ERGIC2: variants seen among roughly 807,000 people sequenced by gnomAD.
ERGIC2 encodes the protein ERGIC and golgi 2, also known as endoplasmic reticulum-Golgi intermediate compartment protein 2.
ERGIC2 carries 31 observed loss-of-function variants against 52.5 expected under a neutral mutation model. That is an observed-to-expected ratio of 0.59 (90% CI 0.44 to 0.80). The LOEUF (loss-of-function observed/expected upper bound fraction) is 0.80, where lower values mean the gene tolerates loss of function less well. ERGIC2 is among the 30% of genes least tolerant of loss of function. The pLI is 0.00. For synonymous variants in ERGIC2, 129 were observed against 140.6 expected, an observed-to-expected ratio of 0.92 and a Z score of 0.58; for missense variants, 395 against 455.2, an observed-to-expected ratio of 0.87 and a Z score of 1.20.
chr12:29,341,847 T>C, intron 12 of ERGIC2, 31 bp from the exon 13 acceptor site: 2 of 1,063,782 alleles, frequency 1.9e-6, no homozygotes, highest in Non-Finnish European at 1.5e-6. Context: ...ATGCTTTTAA[T>C]TATTTCCTAA....
At chr12:29,367,629 T>A (rs1425637325) in intron 4 of ERGIC2, among the ~76,000 whole-genome samples, 1 of 151,868 alleles carries the variant, frequency 6.6e-6, no homozygotes, top group East Asian at 1.9e-4. Flanking sequence ...CTTTTAAAAA[T>A]GTAAAAATTT....
chr12:29,372,068 G>A (rs1045182189), intron 1 of ERGIC2, among the ~76,000 whole-genome samples: 9 of 152,134 alleles, frequency 5.9e-5, no homozygotes, highest in East Asian at 5.8e-4. Context: ...GGCCAGGCAC[G>A]GTCGCTCACG....
At chr12:29,358,731 T>C (rs977927991) in intron 6 of ERGIC2, among the ~76,000 whole-genome samples, 7 of 152,010 alleles carry the variant, frequency 4.6e-5, no homozygotes, top group African/African-American at 1.7e-4. Flanking sequence ...ACATAGGTAC[T>C]CACAAAAAGA....
At chr12:29,380,062 A>T (rs1006751250) in intron 1 of ERGIC2, among the ~76,000 whole-genome samples, 1 of 150,470 alleles carries the variant, frequency 6.6e-6, no homozygotes, top group African/African-American at 2.4e-5. Flanking sequence ...TCATTTAAAA[A>T]AAAAAAAAAA....
chr12:29,380,719 G>A (rs897976367), intron 1 of ERGIC2: 8 of 152,314 alleles, frequency 5.3e-5, no homozygotes, highest in African/African-American at 1.9e-4. Context: ...AATGGGGGTA[G>A]GGAGTCTGAC....
chr12:29,352,784 G>A (rs149528692), intron 8 of ERGIC2, among the ~76,000 whole-genome samples: 1,584 of 152,282 alleles, frequency 0.01, 15 homozygotes, highest in Non-Finnish European at 0.017. Context: ...TACCACTGCA[G>A]TAAACCTTTG....
At chr12:29,355,432 T>G (rs1295718041) in intron 8 of ERGIC2, among the ~76,000 whole-genome samples, 1 of 152,194 alleles carries the variant, frequency 6.6e-6, no homozygotes, top group Non-Finnish European at 1.5e-5. Context: ...CACAGTACTT[T>G]GCACATAGCA....
At chr12:29,346,877 T>A (rs999498445) in intron 10 of ERGIC2, among the ~76,000 whole-genome samples, 3 of 152,190 alleles carry the variant, frequency 2.0e-5, no homozygotes, top group Non-Finnish European at 4.4e-5. Flanking sequence ...TAGATACACC[T>A]ATCCATAGAT....
rs966540 is a variant in ERGIC2, at chr12:29,338,435, G to A, written c.*2721C>T. 52,259 of 151,824 alleles carry A rather than the reference G, an allele frequency of 0.34. 10,951 individuals are homozygous for A. Among genetic ancestry groups the A allele is most frequent in the African/African-American group, 0.6 (24,635 of 41,386 alleles). 9.4% of individuals were successfully genotyped at this position (151,824 alleles called of 1,614,324 possible). On this transcript the variant is annotated 3_prime_UTR_variant, in exon 14 of 14. Transcript: ENST00000360150. ...TAAGGTGGGAGGATTACTTGAGTCC[G>A]GGAGTTGGAGTCCAGCTTGAACAAC...
At chr12:29,341,597 T>C (rs1240465585) in intron 13 of ERGIC2, 137 bp downstream of exon 13, 4 of 619,964 alleles carry the variant, frequency 6.5e-6, no homozygotes, top group African/African-American at 3.7e-5. Flanking sequence ...GGTCTCAAAC[T>C]CCTGGGCTCA....
At chr12:29,353,244 A>G (rs920507230) in intron 8 of ERGIC2, among the ~76,000 whole-genome samples, 3 of 152,194 alleles carry the variant, frequency 2.0e-5, no homozygotes, top group Non-Finnish European at 2.9e-5. Flanking sequence ...TTGGTCTCGT[A>G]AATTCTTCTG....
At chr12:29,346,643 T>C (rs1369044731) in intron 10 of ERGIC2, among the ~76,000 whole-genome samples, 2 of 152,166 alleles carry the variant, frequency 1.3e-5, no homozygotes, top group East Asian at 1.9e-4. Context: ...GGAACTGATA[T>C]TACAGTAGGA....
chr12:29,371,957 T>C (rs961128720), intron 1 of ERGIC2, among the ~76,000 whole-genome samples: 6 of 152,206 alleles, frequency 3.9e-5, no homozygotes, highest in African/African-American at 4.8e-5. Context: ...ATTAAGATAA[T>C]GTTTTCTATT....
intron 7 of ERGIC2, 98 bp downstream of exon 7, chr12:29,357,525 G>A: frequency 2.9e-6 from 2 of 700,850 alleles, no homozygotes; most frequent in Non-Finnish European, 5.0e-6. Context: ...CCCTTCCTAA[G>A]AAAAATAAGA....
intron 6 of ERGIC2, among the ~76,000 whole-genome samples, chr12:29,361,129 T>G (rs1417325677): frequency 6.6e-6 from 1 of 152,024 alleles, no homozygotes; most frequent in African/African-American, 2.4e-5. Context: ...GTGCCTGTAG[T>G]GTGCGCCAGC....
intron 3 of ERGIC2, among the ~76,000 whole-genome samples, chr12:29,369,459 T>C (rs770994070): frequency 2.6e-5 from 4 of 151,948 alleles, no homozygotes; most frequent in Non-Finnish European, 5.9e-5. Context: ...ATAATTGCTG[T>C]CTGTACTTTA....
At chr12:29,351,046 C>G (rs1940124143) in intron 8 of ERGIC2, among the ~76,000 whole-genome samples, 1 of 151,980 alleles carries the variant, frequency 6.6e-6, no homozygotes, top group South Asian at 2.1e-4. Context: ...TTCTCTCACT[C>G]AGAAAAAATT....
At chr12:29,376,210 T>C (rs1236832967) in intron 1 of ERGIC2, among the ~76,000 whole-genome samples, 1 of 152,188 alleles carries the variant, frequency 6.6e-6, no homozygotes, top group Non-Finnish European at 1.5e-5. Context: ...TACTTTTTGA[T>C]GAGGAAATGA....
intron 5 of ERGIC2, among the ~76,000 whole-genome samples, chr12:29,363,104 CAT>C (rs748976000): frequency 2.0e-5 from 3 of 152,140 alleles, no homozygotes; most frequent in Admixed American, 6.5e-5. Flanking sequence ...CCTTTTTGCA[CAT>C]GAGGAAGCAG....
Sources: allele counts gnomAD v4.1 joint callset (sites outside exome capture counted in the v4.1 genomes callset), GRCh38; gene constraint gnomAD v4.1.1; transcripts MANE v1.5; gene names NCBI Gene and HGNC (gene_info 2026-07-23, HGNC 2026-07-21).